The following SBF2 variants were observed in gnomAD, a reference collection of about 807,000 sequenced individuals.
SBF2 encodes SET binding factor 2.
A neutral mutation model predicts 225.2 loss-of-function variants in SBF2; 112 were observed. That is an observed-to-expected ratio of 0.50 (90% confidence interval 0.43 to 0.58). The LOEUF (loss-of-function observed/expected upper bound fraction) is 0.58. Ranked by LOEUF, SBF2 falls within the 20% of genes least tolerant of loss-of-function variation. The pLI, the probability that SBF2 is intolerant of heterozygous loss-of-function variation, is 0.00. For missense variants in SBF2, 1,996 were observed against 2,206.2 expected, an observed-to-expected ratio of 0.90 and a Z score of 1.91; for synonymous variants, 763 against 773.3, an observed-to-expected ratio of 0.99 and a Z score of 0.22.
chr11:10,043,880 T>C (rs991442293), intron 2 of SBF2, among the ~76,000 whole-genome samples: 1 of 152,208 alleles, frequency 6.6e-6, no homozygotes, highest in Non-Finnish European at 1.5e-5. Flanking sequence ...AGCCAAACAA[T>C]ACTTTTTAAA....
intron 3 of SBF2, among the ~76,000 whole-genome samples, chr11:10,041,186 G>A (rs11042595): frequency 0.21 from 31,295 of 152,008 alleles, 3,937 homozygotes; most frequent in Non-Finnish European, 0.29. Flanking sequence ...GATCAACAGA[G>A]AAACGAAAGG....
intron 2 of SBF2, among the ~76,000 whole-genome samples, chr11:10,107,322 T>C (rs762220682): frequency 6.6e-6 from 1 of 152,210 alleles, no homozygotes; most frequent in Non-Finnish European, 1.5e-5. Flanking sequence ...GGAATACTAT[T>C]CGTCAATAAA....
At chr11:10,021,944 C>G (rs1948874800) in intron 6 of SBF2, among the ~76,000 whole-genome samples, 1 of 152,202 alleles carries the variant, frequency 6.6e-6, no homozygotes, top group African/African-American at 2.4e-5. Context: ...TTTCCCCATT[C>G]TTTCCCAGAA....
intron 3 of SBF2, among the ~76,000 whole-genome samples, chr11:10,038,155 T>C (rs931010515): frequency 6.6e-6 from 1 of 151,994 alleles, no homozygotes; most frequent in Admixed American, 6.6e-5. Context: ...AGCACACTGA[T>C]ACAATTTTTG....
chr11:10,261,930 G>T (rs1176767938), intron 1 of SBF2, among the ~76,000 whole-genome samples: 1 of 152,102 alleles, frequency 6.6e-6, no homozygotes, highest in Non-Finnish European at 1.5e-5. Flanking sequence ...TTAATCTATG[G>T]CAGACAAAAA....
intron 1 of SBF2, among the ~76,000 whole-genome samples, chr11:10,289,758 G>A (rs571062135): frequency 7.9e-5 from 12 of 152,162 alleles, no homozygotes; most frequent in Non-Finnish European, 1.3e-4. Flanking sequence ...CCTGAAGCAG[G>A]CACTGCTCCC....
chr11:10,037,243 A>G (rs1249900987), intron 3 of SBF2, among the ~76,000 whole-genome samples: 1 of 152,172 alleles, frequency 6.6e-6, no homozygotes, highest in African/African-American at 2.4e-5. Context: ...GGATACTTGC[A>G]AAGTTGTAAA....
chr11:10,271,206 T>TTTTA (rs1962469521), intron 1 of SBF2, among the ~76,000 whole-genome samples: 1 of 43,654 alleles, frequency 2.3e-5, no homozygotes, highest in Admixed American at 2.4e-4. Context: ...CTTTTTTTTT[T>TTTTA]TTTTTTTTGA....
intron 1 of SBF2, among the ~76,000 whole-genome samples, chr11:10,228,615 A>T (rs565901778): frequency 1.3e-5 from 2 of 152,270 alleles, no homozygotes; most frequent in Non-Finnish European, 1.5e-5. Context: ...TATATGCTGG[A>T]TTACATTTAT....
At chr11:10,298,414 T>A (rs994936687), upstream of SBF2, among the ~76,000 whole-genome samples, 8 of 152,182 alleles carry the variant, frequency 5.3e-5, no homozygotes, top group African/African-American at 7.2e-5. Context: ...TAAAAAATTT[T>A]AAAAAAGACA....
intron 28 of SBF2, among the ~76,000 whole-genome samples, chr11:9,827,533 A>T (rs1590168923): frequency 2.7e-4 from 2 of 7,376 alleles, no homozygotes; most frequent in Admixed American, 1.0e-3. Flanking sequence ...ACTCTGTCTT[A>T]AAAAAAAAAA....
chr11:9,998,228 A>T (rs780986368), intron 9 of SBF2, 38 bp downstream of exon 9: 11 of 1,194,620 alleles, frequency 9.2e-6, no homozygotes, highest in Non-Finnish European at 1.4e-5. Flanking sequence ...TTCAGATTTA[A>T]ATAAAGAGAA....
chr11:9,850,153 C>G lies in SBF2; in HGVS notation c.2676G>C (p.Leu892Phe). 1 of 1,614,098 alleles carries G rather than the reference C, an allele frequency of 6.2e-7. No individual in the cohort carries two copies. The highest frequency in any genetic ancestry group is 1.7e-5 in the Admixed American group (1 of 60,028). ...EEIVCEGLRV[L>F]LDPDGREEAT... ...CTTCTTCTCTTCCATCAGGATCCAG[C>G]AAGACTCGAAGACCCTCACAGACAA... The change falls in exon 22 of 40, where the codon TTG (leucine) becomes TTC (phenylalanine). Residue 892 changes from leucine (L) to phenylalanine (F), a missense_variant. Physicochemically the swap from Leu to Phe is conservative, Grantham distance 22. Coordinates refer to ENST00000256190, the MANE Select transcript of SBF2 (RefSeq NM_030962.4).
intron 1 of SBF2, among the ~76,000 whole-genome samples, chr11:10,217,813 A>T (rs969237866): frequency 3.0e-4 from 46 of 152,020 alleles, no homozygotes; most frequent in Admixed American, 1.0e-3. Context: ...TAATTTATTT[A>T]AAAAAAAGAA....
chr11:10,137,118 T>A (rs888317761), intron 2 of SBF2, among the ~76,000 whole-genome samples: 1 of 152,238 alleles, frequency 6.6e-6, no homozygotes, highest in Non-Finnish European at 1.5e-5. Flanking sequence ...GTCCTGTATG[T>A]GTTTTGTTGG....
chr11:10,079,540 CA>C (rs892163829), intron 2 of SBF2, among the ~76,000 whole-genome samples: 1 of 152,000 alleles, frequency 6.6e-6, no homozygotes, highest in Non-Finnish European at 1.5e-5. Context: ...TCCAGTTAGA[CA>C]AAAGTTTTTT....
chr11:10,299,574 A>T (rs1335695673), intron 1 of SBF2, among the ~76,000 whole-genome samples: 1 of 152,196 alleles, frequency 6.6e-6, no homozygotes, highest in African/African-American at 2.4e-5. Context: ...GCCTGTTCAG[A>T]AATGTTGGAG....
intron 3 of SBF2, among the ~76,000 whole-genome samples, chr11:10,032,825 C>A (rs1949308372): frequency 6.6e-6 from 1 of 152,200 alleles, no homozygotes; most frequent in African/African-American, 2.4e-5. Context: ...TTATTCATTG[C>A]ATACATGCAT....
At chr11:10,129,100 CTTTTTTTT>C (rs757476668) in intron 2 of SBF2, among the ~76,000 whole-genome samples, 3 of 89,942 alleles carry the variant, frequency 3.3e-5, no homozygotes, top group South Asian at 3.5e-4. Context: ...AATTTTCTCT[CTTTTTTTT>C]TTTTTTTTTT....
Sources: gnomAD v4.1 joint callset for allele counts (sites outside exome capture counted in the v4.1 genomes callset) on GRCh38, gnomAD v4.1.1 for gene constraint, MANE v1.5 for transcripts, NCBI Gene and HGNC (gene_info 2026-07-23, HGNC 2026-07-21) for gene names.